Variants in CASTOR2 observed in about 807,000 individuals in gnomAD.
CASTOR2 encodes cytosolic arginine sensor for mTORC1 subunit 2, also known as GATS protein like 2.
CASTOR2 carries 8 observed loss-of-function variants against 31.2 expected under a neutral mutation model. The observed-to-expected ratio is 0.26, with a 90% CI of 0.15 to 0.46. CASTOR2 has a LOEUF of 0.46. CASTOR2 is among the 20% of genes least tolerant of loss of function. The pLI, the probability that CASTOR2 is intolerant of heterozygous loss-of-function variation, is 0.99. For missense variants in CASTOR2, 216 were observed against 382.1 expected (o/e 0.57, Z 3.62); for synonymous variants, 162 against 158.7 (o/e 1.02, Z -0.16).
At chr7:75,002,071 GTTTTA>G (rs1166007974) in intron 1 of CASTOR2, among the ~76,000 whole-genome samples, 2 of 152,014 alleles carry the variant, frequency 1.3e-5, no homozygotes, top group South Asian at 2.1e-4. Context: ...ATCAGGCAGG[GTTTTA>G]TTTTATTTTA....
intron 1 of CASTOR2, among the ~76,000 whole-genome samples, chr7:75,001,454 T>C (rs1322455268): frequency 6.6e-6 from 1 of 152,138 alleles, no homozygotes; most frequent in Non-Finnish European, 1.5e-5. Context: ...TTCCAGCTCT[T>C]TGTAGGCAGA....
At chr7:75,007,864 C>A (rs1458514513) in intron 1 of CASTOR2, 130 bp from the exon 2 acceptor site, 3 of 1,250,864 alleles carry the variant, frequency 2.4e-6, no homozygotes, top group South Asian at 1.2e-5. Flanking sequence ...AACTTACCCG[C>A]GGTCACCCCA....
At chr7:75,006,489 A>C (rs1804607996) in intron 1 of CASTOR2, among the ~76,000 whole-genome samples, 1 of 152,160 alleles carries the variant, frequency 6.6e-6, no homozygotes, top group Non-Finnish European at 1.5e-5. Context: ...AGGGTGACCC[A>C]TGGATACACC....
intron 1 of CASTOR2, among the ~76,000 whole-genome samples, chr7:75,004,982 C>T (rs1804574406): frequency 6.6e-6 from 1 of 152,162 alleles, no homozygotes; most frequent in East Asian, 1.9e-4. Context: ...TCTTCTGCCT[C>T]TGCCTCCCCA....
chr7:75,006,892 G>A (rs1438021548), intron 1 of CASTOR2, among the ~76,000 whole-genome samples: 3 of 140,642 alleles, frequency 2.1e-5, no homozygotes, highest in Non-Finnish European at 4.5e-5. Context: ...GGAACTATGA[G>A]TCCATTAAAC....
At chr7:74,996,466 C>T (rs1804349385) in intron 1 of CASTOR2, among the ~76,000 whole-genome samples, 1 of 151,894 alleles carries the variant, frequency 6.6e-6, no homozygotes, top group South Asian at 2.1e-4. Flanking sequence ...GGCAGGACTG[C>T]AGGTTGCTTT....
chr7:75,009,301 G>A (rs1261451663), intron 2 of CASTOR2, among the ~76,000 whole-genome samples: 4 of 97,948 alleles, frequency 4.1e-5, no homozygotes, highest in Non-Finnish European at 5.5e-5. Context: ...ACGGAGTCTC[G>A]CTCTATGGCC....
At chr7:75,023,037 G>A (rs1805041429) in intron 7 of CASTOR2, among the ~76,000 whole-genome samples, 1 of 152,094 alleles carries the variant, frequency 6.6e-6, no homozygotes, top group East Asian at 1.9e-4. Context: ...CACCGGGCAA[G>A]GTGGCTTACG....
At chr7:75,022,092 T>G in intron 7 of CASTOR2, 136 bp downstream of exon 7, 2 of 1,048,254 alleles carry the variant, frequency 1.9e-6, no homozygotes, top group Non-Finnish European at 2.9e-6. Flanking sequence ...GCCTGAAATT[T>G]CTGTTGCTCA....
intron 1 of CASTOR2, among the ~76,000 whole-genome samples, chr7:74,989,645 A>G (rs35978271): frequency 0.87 from 131,310 of 150,122 alleles, 57,510 homozygotes; most frequent in East Asian, 0.98. Context: ...TGAACTCCCG[A>G]CTTCAAGCGA....
At chr7:74,993,698 G>A (rs1266915532) in intron 1 of CASTOR2, among the ~76,000 whole-genome samples, 3 of 150,982 alleles carry the variant, frequency 2.0e-5, no homozygotes, top group African/African-American at 4.9e-5. Flanking sequence ...TGATCCACCC[G>A]CCTCTGCCTC....
intron 1 of CASTOR2, among the ~76,000 whole-genome samples, chr7:75,005,271 C>T (rs2131942740): frequency 6.6e-6 from 1 of 152,284 alleles, no homozygotes; most frequent in South Asian, 2.1e-4. Context: ...CTACCCGTCC[C>T]CTGATAACTG....
Position 75,020,478 on chromosome 7 carries a change from G to A in CASTOR2, c.746+329G>A, listed in dbSNP as rs1554440278. 6.8e-3 allele frequency among the ~76,000 whole-genome samples: 991 copies of A among 144,954 alleles called. 5 individuals are homozygous for A. The highest frequency in any genetic ancestry group is 0.035 in the Middle Eastern group (9 of 260). Reference sequence around the variant, plus strand: ...GCTCCTGACCTCAGGCAATCCGCCCGCCTCAGGCGTGATTTTTTTTTTTTT... The same window carrying A: ...GCTCCTGACCTCAGGCAATCCGCCCACCTCAGGCGTGATTTTTTTTTTTTT... On this transcript the variant is annotated intron_variant, in intron 6 of 8. Coordinates refer to ENST00000616305, the MANE Select transcript of CASTOR2 (RefSeq NM_001145064.3).
At chr7:74,993,792 C>T (rs1804270026) in intron 1 of CASTOR2, among the ~76,000 whole-genome samples, 2 of 88,726 alleles carry the variant, frequency 2.3e-5, no homozygotes, top group Admixed American at 1.4e-4. Context: ...GTAAACTGTG[C>T]CACAGATTAA....
In CASTOR2 at chr7:75,029,677, C is replaced by T. The variant is rs1173170487; in HGVS notation, c.*4978C>T. 2.6e-5 allele frequency among the ~76,000 whole-genome samples: 4 copies of T among 152,214 alleles called. No homozygotes were observed. The highest frequency in any genetic ancestry group is 7.2e-5 in the African/African-American group (3 of 41,546). On this transcript the variant is annotated 3_prime_UTR_variant, in exon 9 of 9. Transcript: ENST00000616305. ...TTTTGACGCCACTTCCTGAGTGAAG[C>T]GCTTTGCATGGGGATGGGAAGAAGC...
At chr7:75,014,575 G>A (rs1804825199) in intron 2 of CASTOR2, among the ~76,000 whole-genome samples, 1 of 152,064 alleles carries the variant, frequency 6.6e-6, no homozygotes, top group Non-Finnish European at 1.5e-5. Flanking sequence ...CTGGGCGACA[G>A]AGTAAGACAC....
intron 2 of CASTOR2, 121 bp from the exon 3 acceptor site, chr7:75,017,477 G>A: frequency 8.2e-7 from 1 of 1,225,936 alleles, no homozygotes; most frequent in Non-Finnish European, 1.2e-6. Context: ...GGAAAGTGAG[G>A]CAAGGCACAG....
At chr7:75,020,219 C>A in intron 6 of CASTOR2, 70 bp downstream of exon 6, 1 of 1,291,082 alleles carries the variant, frequency 7.7e-7, no homozygotes, top group Non-Finnish European at 1.1e-6. Context: ...TATGTGATGG[C>A]ACATCACCCA....
chr7:75,020,227 C>A, intron 6 of CASTOR2, 78 bp downstream of exon 6: 4 of 1,271,068 alleles, frequency 3.1e-6, no homozygotes, highest in Non-Finnish European at 3.3e-6. Flanking sequence ...GGCACATCAC[C>A]CACTTTGTCT....
Sources: gnomAD v4.1 joint callset for allele counts (sites outside exome capture counted in the v4.1 genomes callset) on GRCh38, gnomAD v4.1.1 for gene constraint, MANE v1.5 for transcripts, NCBI Gene and HGNC (gene_info 2026-07-23, HGNC 2026-07-21) for gene names.